The following DPH6 variants were observed in gnomAD, a reference collection of about 807,000 sequenced individuals.
The protein encoded by DPH6 is diphthine--ammonia ligase.
In DPH6, 33 loss-of-function variants were observed where a neutral mutation model predicts 38.2. That is an observed-to-expected ratio of 0.86 (90% CI 0.65 to 1.15). The LOEUF (loss-of-function observed/expected upper bound fraction) is 1.15. Among genes scored for constraint, DPH6 ranks in the 50% most tolerant of loss-of-function variants. The pLI is 0.00. For synonymous variants in DPH6, 108 were observed against 103.0 expected, an observed-to-expected ratio of 1.05 and a Z score of -0.30; for missense variants, 325 against 320.0, an observed-to-expected ratio of 1.02 and a Z score of -0.12.
chr15:35,513,368 C>A (rs2054801276), intron 3 of DPH6, among the ~76,000 whole-genome samples: 1 of 151,802 alleles, frequency 6.6e-6, no homozygotes, highest in Admixed American at 6.6e-5. Context: ...AGATACAATT[C>A]CACTGAATAA....
chr15:35,488,688 GT>G (rs2054436848), intron 3 of DPH6, among the ~76,000 whole-genome samples: 1 of 151,968 alleles, frequency 6.6e-6, no homozygotes, highest in South Asian at 2.1e-4. Context: ...CATATCAGTA[GT>G]TAAACATAAT....
chr15:35,168,327 A>G, the DPH6 span, among the ~76,000 whole-genome samples: 1 of 152,074 alleles, frequency 6.6e-6, no homozygotes, highest in Admixed American at 6.6e-5. Context: ...AGAGAAGAGA[A>G]TATCTTAATC....
intron 3 of DPH6, among the ~76,000 whole-genome samples, chr15:35,532,590 G>T: frequency 6.6e-6 from 1 of 152,172 alleles, no homozygotes; most frequent in East Asian, 1.9e-4. Flanking sequence ...AGGAAATACA[G>T]AATATGGAAC....
At chr15:35,357,392 C>G (rs1320273479) in intron 3 of DPH6, among the ~76,000 whole-genome samples, 1 of 152,228 alleles carries the variant, frequency 6.6e-6, no homozygotes, top group East Asian at 1.9e-4. Context: ...GAGCTGTAGA[C>G]TGGAGCTATT....
chr15:35,191,537 C>T, the DPH6 span, among the ~76,000 whole-genome samples: 61 of 152,230 alleles, frequency 4.0e-4, no homozygotes, highest in African/African-American at 1.3e-3. Context: ...AACAGGGATA[C>T]GAACCAAAGT....
intron 5 of DPH6, among the ~76,000 whole-genome samples, chr15:35,425,513 A>C (rs887643354): frequency 1.1e-4 from 17 of 151,350 alleles, no homozygotes; most frequent in Admixed American, 1.1e-3. Context: ...AGATCAGAAG[A>C]AATTGGAGCC....
At chr15:35,443,153 C>T (rs2053809187) in intron 5 of DPH6, among the ~76,000 whole-genome samples, 1 of 152,090 alleles carries the variant, frequency 6.6e-6, no homozygotes, top group Non-Finnish European at 1.5e-5. Context: ...CATAAAAGCA[C>T]ATACAAAAAA....
the DPH6 span, among the ~76,000 whole-genome samples, chr15:35,188,604 T>G: frequency 6.6e-6 from 1 of 152,190 alleles, no homozygotes; most frequent in Admixed American, 6.5e-5. Context: ...AAAACTTGCC[T>G]TGGTCTCTCC....
intron 3 of DPH6, among the ~76,000 whole-genome samples, chr15:35,512,582 G>A (rs980905062): frequency 1.3e-5 from 2 of 151,984 alleles, no homozygotes; most frequent in African/African-American, 4.8e-5. Flanking sequence ...TGTATTACAT[G>A]ACTGAATTGC....
intron 6 of DPH6, among the ~76,000 whole-genome samples, chr15:35,392,591 T>A (rs1055866786): frequency 6.6e-6 from 1 of 152,220 alleles, no homozygotes; most frequent in Non-Finnish European, 1.5e-5. Flanking sequence ...AGTATTGTTT[T>A]AGGTACTAGG....
the DPH6 span, among the ~76,000 whole-genome samples, chr15:35,203,802 C>G: frequency 9.2e-4 from 140 of 151,800 alleles, 1 homozygote; most frequent in Middle Eastern, 0.014. Flanking sequence ...TAGGAAAGCA[C>G]TGACAATGCA....
At chr15:35,160,796 A>T in the DPH6 span, among the ~76,000 whole-genome samples, 3 of 151,896 alleles carry the variant, frequency 2.0e-5, no homozygotes, top group African/African-American at 7.2e-5. Context: ...CATTTGATGC[A>T]ATTAAGCTCT....
chr15:35,166,686 C>T, the DPH6 span, among the ~76,000 whole-genome samples: 4 of 152,006 alleles, frequency 2.6e-5, no homozygotes, highest in East Asian at 7.7e-4. Context: ...AAACTACATA[C>T]ATTTCATTCA....
In DPH6 at chr15:35,542,488, A is replaced by C. The variant is rs747627790; in HGVS notation, c.43T>G (p.Tyr15Asp). Reference sequence around the variant, plus strand: ...GCAGCAATGCACTGCATCATATTATAGCAGCTGTCCTTCCCACCACTAAAC... The same window carrying C: ...GCAGCAATGCACTGCATCATATTATCGCAGCTGTCCTTCCCACCACTAAAC... ...ALISGGKDSC[Y>D]NMMQCIAAGH... Residue 15 changes from tyrosine (Y) to aspartate (D), a missense_variant, in exon 2 of 9, where the codon TAT (tyrosine) becomes GAT (aspartate). Coordinates refer to ENST00000256538, the MANE Select transcript of DPH6 (RefSeq NM_080650.4). The C allele has an allele frequency of 7.7e-6, 12 of 1,565,626 alleles. No homozygotes were observed. The highest frequency in any genetic ancestry group is 7.0e-6 in the Non-Finnish European group (8 of 1,142,834).
the DPH6 span, among the ~76,000 whole-genome samples, chr15:35,168,307 T>G: frequency 6.6e-6 from 1 of 152,062 alleles, no homozygotes; most frequent in Non-Finnish European, 1.5e-5. Flanking sequence ...CTAAATGTAT[T>G]GCCTTGAAAA....
chr15:35,437,165 C>T (rs1002101736), intron 5 of DPH6, among the ~76,000 whole-genome samples: 2 of 152,088 alleles, frequency 1.3e-5, no homozygotes, highest in African/African-American at 4.8e-5. Flanking sequence ...TTCTCTCCCT[C>T]ACATATCCAC....
At chr15:35,424,376 T>C (rs775885097) in intron 5 of DPH6, among the ~76,000 whole-genome samples, 4 of 151,688 alleles carry the variant, frequency 2.6e-5, no homozygotes, top group Non-Finnish European at 4.4e-5. Context: ...TATTTGCATA[T>C]AGAAATGCTA....
chr15:35,333,096 A>G (rs1387252433), intron 3 of DPH6, among the ~76,000 whole-genome samples: 1 of 149,868 alleles, frequency 6.7e-6, no homozygotes, highest in Non-Finnish European at 1.5e-5. Flanking sequence ...AGGAAGCTAA[A>G]AAAAAAAAAA....
chr15:35,380,960 T>C (rs2052856869), intron 7 of DPH6, among the ~76,000 whole-genome samples: 2 of 152,202 alleles, frequency 1.3e-5, no homozygotes, highest in Non-Finnish European at 2.9e-5. Context: ...CAAGAGTGCA[T>C]GAATATTGCA....
Sources: gnomAD v4.1 joint callset for allele counts (sites outside exome capture counted in the v4.1 genomes callset) on GRCh38, gnomAD v4.1.1 for gene constraint, MANE v1.5 for transcripts, NCBI Gene and HGNC (gene_info 2026-07-23, HGNC 2026-07-21) for gene names.